Variants in MARF1 observed in about 807,000 individuals in gnomAD.
MARF1 encodes the protein limkain-b1.
MARF1 carries 24 observed loss-of-function variants against 168.2 expected under a neutral mutation model. The ratio of observed to expected loss-of-function variants is 0.14; its 90% CI spans 0.10 to 0.20. MARF1 has a LOEUF of 0.20. Among genes scored for constraint, MARF1 ranks in the 10% least tolerant of loss-of-function variants. MARF1 has a pLI of 1.00. For missense variants in MARF1, 1,744 were observed against 2,143.6 expected (o/e 0.81, Z 3.68); for synonymous variants, 868 against 822.4 (o/e 1.06, Z -0.95).
At chr16:15,626,785 C>G (rs1408400128) in intron 7 of MARF1, among the ~76,000 whole-genome samples, 1 of 151,780 alleles carries the variant, frequency 6.6e-6, no homozygotes, top group Non-Finnish European at 1.5e-5. Flanking sequence ...CATGGTGAAA[C>G]CCCATCTCTA....
At chr16:15,626,877 T>C (rs1404672955) in intron 7 of MARF1, among the ~76,000 whole-genome samples, 2 of 150,442 alleles carry the variant, frequency 1.3e-5, no homozygotes, top group Admixed American at 6.6e-5. Flanking sequence ...GCAGAATAAT[T>C]TGCCTGAACC....
chr16:15,609,593 T>A lies in MARF1; in HGVS notation c.3884A>T (p.Gln1295Leu). The change falls in exon 20 of 27, where the codon CAG becomes CTG. Residue 1295 changes from glutamine to leucine, a missense_variant. Transcript: ENST00000396368. ...IPSYHHHFGR[Q>L]CKLAYYGFTK... ...AAACCCATAGTACGCAAGTTTGCAC[T>A]GCCGGCCAAAGTGGTGATGGTAAGA... is the stretch of plus-strand genomic sequence containing the variant. 1 of 1,614,192 alleles carries A rather than the reference T, an allele frequency of 6.2e-7. No homozygotes were observed. Among genetic ancestry groups the A allele is most frequent in the Non-Finnish European group, 8.5e-7 (1 of 1,180,028 alleles).
intron 22 of MARF1, chr16:15,602,599 AAAG>A (rs747550175): frequency 1.2e-4 from 20 of 166,996 alleles, no homozygotes; most frequent in Middle Eastern, 1.6e-3. Flanking sequence ...CAAAAAAGAC[AAAG>A]AAGAAGAAAG....
At chr16:15,601,926 G>T (rs2032476833) in intron 23 of MARF1, 65 bp downstream of exon 23, 1 of 1,330,812 alleles carries the variant, frequency 7.5e-7, no homozygotes. Context: ...TTATTTTTCT[G>T]TTCAGGACAG....
Position 15,621,580 on chromosome 16 carries a change from T to C in MARF1, c.2639+153A>G, listed in dbSNP as rs2034464114. 3 of 769,292 alleles carry C rather than the reference T, an allele frequency of 3.9e-6. No homozygotes were observed. In the East Asian group the frequency reaches 8.4e-5, roughly 21 times the overall value. The allele number at this position is 769,292 out of a possible 1,614,324, so 47.7% of individuals were successfully genotyped here. A position where few individuals can be genotyped will look rare whatever the true frequency, so the allele number is the denominator to read the frequency against. The stretch of plus-strand genomic sequence containing the variant: ...ATGACTTAGACAAGAGTCAAATGGC[T>C]TGTTTCTAACTGTATCAATCTAGAA... On this transcript the variant is annotated intron_variant, in intron 12 of 26. Coordinates refer to ENST00000396368, the MANE Select transcript of MARF1 (RefSeq NM_014647.4).
intron 13 of MARF1, 75 bp downstream of exon 13, chr16:15,620,376 G>T: frequency 1.2e-6 from 1 of 820,086 alleles, no homozygotes; most frequent in Non-Finnish European, 2.0e-6. Context: ...TTCCTCAAGA[G>T]TCATTACCAT....
chr16:15,603,730 C>T (rs746710349), intron 22 of MARF1, among the ~76,000 whole-genome samples: 2 of 151,472 alleles, frequency 1.3e-5, no homozygotes, highest in African/African-American at 2.4e-5. Context: ...TCTTAAGATT[C>T]TCTCAATCTT....
chr16:15,612,659 G>A lies in MARF1; in HGVS notation c.3372C>T (p.Phe1124=), dbSNP rs767999418. The change falls in exon 17 of 27, where the codon TTC becomes TTT. Residue 1124 remains phenylalanine, a synonymous_variant. Transcript: ENST00000396368. ...QPSCVIPISH[F]IPSYHHHFAK... is the part of the protein sequence containing the mutation. ...CAAAATGATGGTGATAGGATGGGAT[G>A]AAATGACTGATGGGTATGACACAAG... is the stretch of plus-strand genomic sequence containing the variant. 1 of 1,614,166 alleles carries A rather than the reference G, an allele frequency of 6.2e-7. No individual in the cohort carries two copies. Among genetic ancestry groups the A allele is most frequent in the Non-Finnish European group, 8.5e-7 (1 of 1,180,004 alleles).
intron 22 of MARF1, chr16:15,602,524 G>GACGACGATGAAGAAGACGAAA (rs2032572858): frequency 6.2e-6 from 3 of 480,880 alleles, no homozygotes; most frequent in Non-Finnish European, 3.8e-6. Context: ...AGAAGACGAA[G>GACGACGATGAAGAAGACGAAA]ACGACGATAA....
chr16:15,639,071 T>G lies in MARF1; in HGVS notation c.144+19A>C. 2 of 1,608,780 alleles carry G rather than the reference T, an allele frequency of 1.2e-6. No homozygotes were observed. Among genetic ancestry groups the G allele is most frequent in the Non-Finnish European group, 8.5e-7 (1 of 1,177,460 alleles). ...TTGGATGAGGAATCTGCTACATCCT[T>G]AGTCTTGCATATAGTTACCGTTTGG... On this transcript the variant is annotated intron_variant, in intron 2 of 26. Transcript: ENST00000396368.
At position 15,596,034 on chromosome 16, in the gene MARF1, A is replaced by G. The variant is rs1348206939; in HGVS notation, c.*659T>C. On this transcript the variant is annotated 3_prime_UTR_variant, in exon 27 of 27. Coordinates refer to ENST00000396368, the MANE Select transcript of MARF1 (RefSeq NM_014647.4). ...AGAAAGCTCCTAAATGGAACCCCAA[A>G]GTAGAAACGTTTAAAAAAATTTGTG... is the stretch of plus-strand genomic sequence containing the variant. The G allele has an allele frequency of 6.6e-6, 1 of 152,644 alleles. No homozygotes were observed. Among genetic ancestry groups the G allele is most frequent in the African/African-American group, 2.4e-5 (1 of 41,448 alleles). 9.5% of individuals were successfully genotyped at this position (152,644 alleles called of 1,614,324 possible).
At chr16:15,604,604 C>A (rs1418970708) in intron 21 of MARF1, among the ~76,000 whole-genome samples, 1 of 152,196 alleles carries the variant, frequency 6.6e-6, no homozygotes, top group African/African-American at 2.4e-5. Flanking sequence ...TGTCCTCCCC[C>A]TGCCGGTCCA....
At chr16:15,599,200 GA>G in intron 25 of MARF1, 176 bp from the exon 26 acceptor site, 1 of 638,152 alleles carries the variant, frequency 1.6e-6, no homozygotes, top group Non-Finnish European at 2.7e-6. Context: ...CCACTAACAG[GA>G]AGATCCTGGT....
At position 15,633,794 on chromosome 16, in the gene MARF1, G is replaced by C. The variant is rs1454180341; in HGVS notation, c.1056C>G (p.Pro352=). The C allele has an allele frequency of 6.2e-7, 1 of 1,613,944 alleles. No homozygotes were observed. The change falls in exon 5 of 27, where the codon CCC becomes CCG. Residue 352 remains proline (P), a synonymous_variant. Transcript: ENST00000396368. ...TTTCAATATCCCAAAAAACTCCAATGGGGGGTAAGTTTTCTAGCACCTGTC... is the reference window on the plus strand; with the variant it reads ...TTTCAATATCCCAAAAAACTCCAATCGGGGGTAAGTTTTCTAGCACCTGTC... ...VAGQVLENLP[P]IGVFWDIENC... is the part of the protein sequence containing the mutation.
intron 2 of MARF1, among the ~76,000 whole-genome samples, chr16:15,637,458 T>C (rs1194571922): frequency 6.6e-6 from 1 of 152,222 alleles, no homozygotes; most frequent in African/African-American, 2.4e-5. Context: ...TCAGCTAAAC[T>C]TTCCCTAAAA....
intron 22 of MARF1, 169 bp from the exon 23 acceptor site, chr16:15,602,372 C>G (rs184752871): frequency 4.8e-6 from 3 of 624,326 alleles, no homozygotes. Context: ...ACAAAGATGA[C>G]GAAGAAGAAG....
At chr16:15,609,836 C>T in intron 19 of MARF1, 111 bp from the exon 20 acceptor site, 1 of 878,746 alleles carries the variant, frequency 1.1e-6, no homozygotes, top group Non-Finnish European at 1.8e-6. Context: ...ATCATCCTTG[C>T]CTTCCAAACA....
intron 17 of MARF1, among the ~76,000 whole-genome samples, chr16:15,612,083 GT>G (rs1462296279): frequency 6.6e-6 from 1 of 152,238 alleles, no homozygotes; most frequent in Non-Finnish European, 1.5e-5. Flanking sequence ...GCCGTTTTTA[GT>G]GAGTGGGAAG....
At chr16:15,620,245 G>A (rs2034360265) in intron 13 of MARF1, among the ~76,000 whole-genome samples, 1 of 152,232 alleles carries the variant, frequency 6.6e-6, no homozygotes, top group African/African-American at 2.4e-5. Context: ...GCACAACACT[G>A]AGGACCAAAG....
Sources: gnomAD v4.1 joint callset for allele counts (sites outside exome capture counted in the v4.1 genomes callset) on GRCh38, gnomAD v4.1.1 for gene constraint, MANE v1.5 for transcripts, NCBI Gene and HGNC (gene_info 2026-07-23, HGNC 2026-07-21) for gene names.